CACNA2D4: variants seen among roughly 807,000 people sequenced by gnomAD.
CACNA2D4 encodes calcium voltage-gated channel auxiliary subunit alpha2delta 4.
Under a neutral mutation model 163.8 loss-of-function variants are expected in CACNA2D4, and 157 were observed. That is an observed-to-expected ratio of 0.96 (90% CI 0.84 to 1.09). The LOEUF (loss-of-function observed/expected upper bound fraction) is 1.09, where lower values mean the gene tolerates loss of function less well. Among genes scored for constraint, CACNA2D4 ranks in the 50% least tolerant of loss-of-function variants. CACNA2D4 has a pLI of 0.00. For missense variants in CACNA2D4, 1,410 were observed against 1,479.9 expected, an observed-to-expected ratio of 0.95 and a Z score of 0.78; for synonymous variants, 598 against 586.9, an observed-to-expected ratio of 1.02 and a Z score of -0.27.
intron 4 of CACNA2D4, among the ~76,000 whole-genome samples, chr12:1,908,424 G>T (rs1866721421): frequency 6.6e-6 from 1 of 152,208 alleles, no homozygotes; most frequent in Non-Finnish European, 1.5e-5. Context: ...CAGAGCCCCA[G>T]AACCGAGCCT....
At chr12:1,884,370 A>G in intron 11 of CACNA2D4, 49 bp from the exon 12 acceptor site, 2 of 1,460,268 alleles carry the variant, frequency 1.4e-6, no homozygotes, top group African/African-American at 1.4e-5. Flanking sequence ...CCCGGCCATA[A>G]GTAATGTTAA....
intron 23 of CACNA2D4, among the ~76,000 whole-genome samples, chr12:1,846,907 T>C (rs1865158779): frequency 6.6e-6 from 1 of 152,354 alleles, no homozygotes; most frequent in South Asian, 2.1e-4. Context: ...GCAGCACCCC[T>C]GTGAAGTGAA....
At chr12:1,811,801 A>C (rs1407645621) in intron 26 of CACNA2D4, 78 bp from the exon 27 acceptor site, 2 of 1,410,906 alleles carry the variant, frequency 1.4e-6, no homozygotes, top group Non-Finnish European at 2.0e-6. Context: ...TAAAGAGAGG[A>C]GGTGCTTCCG....
chr12:1,807,875 T>C (rs1234926864), intron 29 of CACNA2D4, among the ~76,000 whole-genome samples: 4 of 152,094 alleles, frequency 2.6e-5, no homozygotes, highest in Non-Finnish European at 4.4e-5. Context: ...AGAAGGTCAG[T>C]TCGTTTCTGC....
At chr12:1,907,084 A>C (rs2470437) in intron 6 of CACNA2D4, among the ~76,000 whole-genome samples, 98,689 of 152,154 alleles carry the variant, frequency 0.65, 32,973 homozygotes, top group Non-Finnish European at 0.73. Flanking sequence ...ACTCTTGGCG[A>C]GTGCGCCTCA....
intron 18 of CACNA2D4, among the ~76,000 whole-genome samples, chr12:1,864,211 G>A (rs1359663852): frequency 6.6e-6 from 1 of 152,202 alleles, no homozygotes; most frequent in Non-Finnish European, 1.5e-5. Context: ...CGTGAAGGCC[G>A]GAGACTCTCC....
intron 18 of CACNA2D4, among the ~76,000 whole-genome samples, chr12:1,871,910 T>C (rs1865796690): frequency 2.6e-5 from 4 of 152,210 alleles, no homozygotes; most frequent in Admixed American, 2.6e-4. Flanking sequence ...AAAACGAGAA[T>C]GACAGAACGA....
At chr12:1,818,313 C>T (rs989850280) in intron 26 of CACNA2D4, among the ~76,000 whole-genome samples, 5 of 151,926 alleles carry the variant, frequency 3.3e-5, no homozygotes, top group South Asian at 2.1e-4. Context: ...ACAATGGTGG[C>T]TTTGTGGAAT....
At position 1,798,923 on chromosome 12, in the gene CACNA2D4, G is replaced by A. The variant is rs1863217302; in HGVS notation, c.2995+752C>T. Among the ~76,000 whole-genome samples the A allele has an allele frequency of 6.6e-6, 1 of 152,188 alleles. No homozygotes were observed. The highest frequency in any genetic ancestry group is 1.5e-5 in the Non-Finnish European group (1 of 68,042). On this transcript the variant is annotated intron_variant, in intron 34 of 37. Coordinates refer to ENST00000382722, the MANE Select transcript of CACNA2D4 (RefSeq NM_172364.5). This position sits in a 1 kb window ranked among gnomAD's most constrained non-coding sequence, Gnocchi z 4.3. ...AGCCCGAACTGCCCTGAGCCCAGGGGCAGAGGAAGCCCCAAGCCAAGGCCA... is the reference window on the plus strand; with the variant it reads ...AGCCCGAACTGCCCTGAGCCCAGGGACAGAGGAAGCCCCAAGCCAAGGCCA...
In CACNA2D4 at chr12:1,806,632, CA is replaced by C. The variant is rs1436439594; in HGVS notation, c.2721+3645del. Among the ~76,000 whole-genome samples the C allele has an allele frequency of 1.3e-5, 2 of 152,204 alleles. No individual in the cohort carries two copies. Among genetic ancestry groups the C allele is most frequent in the Non-Finnish European group, 2.9e-5 (2 of 68,032 alleles). On this transcript the variant is annotated intron_variant, in intron 29 of 37. Transcript: ENST00000382722. The surrounding 1 kb of genome is among the most constrained non-coding windows in gnomAD (Gnocchi z 4.1). The stretch of plus-strand genomic sequence containing the variant: ...GCCTAGTCAGGAAAGTGACAGCAGC[CA>C]GCTAAAGTGCATTGAGATCCACAGC...
chr12:1,795,879 G>T, intron 35 of CACNA2D4, 99 bp from the exon 36 acceptor site: 1 of 816,948 alleles, frequency 1.2e-6, no homozygotes, highest in Non-Finnish European at 2.1e-6. Flanking sequence ...AGTTAGGGTG[G>T]CAGGGAAGCC....
At chr12:1,832,569 C>A (rs1864681460) in intron 26 of CACNA2D4, among the ~76,000 whole-genome samples, 1 of 152,218 alleles carries the variant, frequency 6.6e-6, no homozygotes. Flanking sequence ...AGTCTTACTA[C>A]TTTCATTTAA....
chr12:1,887,689 C>A (rs1212968437), intron 6 of CACNA2D4, among the ~76,000 whole-genome samples: 2 of 151,886 alleles, frequency 1.3e-5, no homozygotes, highest in Non-Finnish European at 2.9e-5. Flanking sequence ...TTATCCTATC[C>A]ACCTAATAAA....
In CACNA2D4 at chr12:1,845,623, G is replaced by A. The variant is rs79674442; in HGVS notation, c.2342+971C>T. On this transcript the variant is annotated intron_variant, in intron 24 of 37. Transcript: ENST00000382722. ...CTGGGCTGCTCTCCAGGTGCCTGAAGGTCCTCACCTGTTGGAGTCTCCTGG... is the reference window on the plus strand; with the variant it reads ...CTGGGCTGCTCTCCAGGTGCCTGAAAGTCCTCACCTGTTGGAGTCTCCTGG... 2.9e-3 allele frequency among the ~76,000 whole-genome samples: 438 copies of A among 152,254 alleles called. 1 individual carries two copies. Among genetic ancestry groups the A allele is most frequent in the East Asian group, 0.022 (112 of 5,168 alleles).
At chr12:1,810,840 G>A (rs1477640196) in intron 27 of CACNA2D4, among the ~76,000 whole-genome samples, 2 of 152,188 alleles carry the variant, frequency 1.3e-5, no homozygotes, top group South Asian at 2.1e-4. Context: ...GGGCACATGC[G>A]TGTGGTGTGT....
At chr12:1,886,417 C>T (rs750509098) in intron 7 of CACNA2D4, 44 bp from the exon 8 acceptor site, 28 of 1,587,254 alleles carry the variant, frequency 1.8e-5, no homozygotes, top group Admixed American at 1.7e-4. Flanking sequence ...AAACCAAAGC[C>T]GGAACCAATA....
At chr12:1,835,497 G>A (rs1461357070) in intron 26 of CACNA2D4, 1 of 152,502 alleles carries the variant, frequency 6.6e-6, no homozygotes, top group Admixed American at 6.5e-5. Flanking sequence ...GCAGAGACAT[G>A]CTCTTCCCCA....
At position 1,886,028 on chromosome 12, in the gene CACNA2D4, G is replaced by A. The variant is rs760128576; in HGVS notation, c.1005C>T (p.Tyr335=). 31 of 1,612,516 alleles carry A rather than the reference G, an allele frequency of 1.9e-5. No individual in the cohort carries two copies. The highest frequency in any genetic ancestry group is 2.5e-5 in the Non-Finnish European group (30 of 1,178,752). ...TAAAACAAGGCTCGATGTAATGGAC[G>A]TAGTCATTGTACTGCAGTTGCAGTG... ...DFINIIAYND[Y]VHYIEPCFKG... The change falls in exon 9 of 38, where the codon TAC becomes TAT. Residue 335 remains tyrosine, a synonymous_variant. Coordinates refer to ENST00000382722, the MANE Select transcript of CACNA2D4 (RefSeq NM_172364.5).
At chr12:1,794,418 C>A (rs1262921526) in intron 37 of CACNA2D4, among the ~76,000 whole-genome samples, 1 of 152,214 alleles carries the variant, frequency 6.6e-6, no homozygotes, top group Non-Finnish European at 1.5e-5. Context: ...AAACTCAATT[C>A]AAGTCTGACA....
Sources: allele counts gnomAD v4.1 joint callset (sites outside exome capture counted in the v4.1 genomes callset), GRCh38; gene constraint gnomAD v4.1.1; non-coding constraint Gnocchi (gnomAD v3.1); transcripts MANE v1.5; gene names NCBI Gene and HGNC (gene_info 2026-07-23, HGNC 2026-07-21).